The following IL10RA variants were observed in gnomAD, a reference collection of about 807,000 sequenced individuals.
IL10RA encodes the protein interleukin-10 receptor subunit alpha.
In IL10RA, 18 loss-of-function variants were observed where a neutral mutation model predicts 29.6. The observed-to-expected ratio is 0.61, with a 90% confidence interval of 0.42 to 0.90. The LOEUF (loss-of-function observed/expected upper bound fraction) is 0.90, where lower values mean the gene tolerates loss of function less well. Ranked by LOEUF, IL10RA falls within the 40% of genes least tolerant of loss-of-function variation. The probability of loss-of-function intolerance (pLI) is 0.00; values close to 1 mark genes in which losing one functional copy is unlikely to be tolerated. For synonymous variants in IL10RA, 292 were observed against 294.1 expected (o/e 0.99, Z 0.07); for missense variants, 634 against 716.6 (o/e 0.88, Z 1.32).
intron 3 of IL10RA, among the ~76,000 whole-genome samples, chr11:117,991,132 A>G (rs1469927349): frequency 6.6e-6 from 1 of 152,216 alleles, no homozygotes; most frequent in Non-Finnish European, 1.5e-5. Context: ...CAGGAGGCAG[A>G]GGTTGCAGTG....
At chr11:117,987,189 A>T (rs1349763061) in intron 1 of IL10RA, 1 of 294,982 alleles carries the variant, frequency 3.4e-6, no homozygotes, top group Non-Finnish European at 6.8e-6. Context: ...GCAGAGACAG[A>T]GAGCAAGGAC....
chr11:117,999,894 G>A lies in IL10RA; in HGVS notation c.*253G>A, dbSNP rs1379928416. 1.5e-6 allele frequency: 1 copy of A among 666,320 alleles called. No individual in the cohort carries two copies. The highest frequency in any genetic ancestry group is 1.5e-5 in the South Asian group (1 of 66,378). 41.3% of individuals were successfully genotyped at this position (666,320 alleles called of 1,614,324 possible). On this transcript the variant is annotated 3_prime_UTR_variant, in exon 7 of 7. Transcript: ENST00000227752. ...TGTTGACTGGGGCCCTGCAGACTCT[G>A]GCAGAGCTGAGAAGGGCAGGGACCT...
At chr11:117,993,709 A>AGCTG (rs1479432514) in intron 4 of IL10RA, among the ~76,000 whole-genome samples, 1 of 152,190 alleles carries the variant, frequency 6.6e-6, no homozygotes, top group Admixed American at 6.5e-5. Context: ...GTTATGGGAG[A>AGCTG]GCTGGCATCT....
At position 117,998,744 on chromosome 11, in the gene IL10RA, C is replaced by T; in HGVS notation, c.840C>T (p.Phe280=). 6.2e-7 allele frequency: 1 copy of T among 1,614,214 alleles called. No homozygotes were observed. Among genetic ancestry groups the T allele is most frequent in the Non-Finnish European group, 8.5e-7 (1 of 1,180,040 alleles). ...LLFKKPSPFI[F]ISQRPSPETQ... is the part of the protein sequence containing the mutation. The stretch of plus-strand genomic sequence containing the variant: ...TCAAGAAGCCCAGCCCCTTCATCTT[C>T]ATCAGCCAGCGTCCCTCCCCAGAGA... The change falls in exon 7 of 7, where the codon TTC becomes TTT. Residue 280 remains phenylalanine, a synonymous_variant. Coordinates refer to ENST00000227752, the MANE Select transcript of IL10RA (RefSeq NM_001558.4).
intron 2 of IL10RA, 58 bp downstream of exon 2, chr11:117,988,560 C>T: frequency 1.3e-6 from 2 of 1,599,612 alleles, no homozygotes; most frequent in South Asian, 1.1e-5. Context: ...TTGTCCTCTA[C>T]TCTCCTAGCA....
intron 1 of IL10RA, chr11:117,987,456 T>A (rs186735707): frequency 1.9e-5 from 3 of 157,124 alleles, no homozygotes; most frequent in Admixed American, 1.8e-4. Context: ...TAGAGAGATG[T>A]AGAGAAGTTA....
In IL10RA at chr11:117,986,401, G is replaced by A; in HGVS notation, c.-67G>A. ...GCGGGCGGCGGAGCTGTCAGTCCCAGCCCAAGGGTAGCTGGAGGCGCGCAG... is the reference window on the plus strand; with the variant it reads ...GCGGGCGGCGGAGCTGTCAGTCCCAACCCAAGGGTAGCTGGAGGCGCGCAG... On this transcript the variant is annotated 5_prime_UTR_variant, in exon 1 of 7. Transcript: ENST00000227752. 6.8e-7 allele frequency: 1 copy of A among 1,477,722 alleles called. No homozygotes were observed. 91.5% of individuals were successfully genotyped at this position (1,477,722 alleles called of 1,614,324 possible). A position where few individuals can be genotyped will look rare whatever the true frequency, so the allele number is the denominator to read the frequency against.
In IL10RA at chr11:117,988,513, G is replaced by A. The variant is rs747049543; in HGVS notation, c.188+11G>A. The stretch of plus-strand genomic sequence containing the variant: ...AGTGGCGCTCCTGAGGTGAGGAAAA[G>A]GGAAGAGGGAGGGGGAGGGAGGAGT... On this transcript the variant is annotated intron_variant, in intron 2 of 6. Transcript: ENST00000227752. The A allele has an allele frequency of 9.9e-6, 16 of 1,614,026 alleles. No individual in the cohort carries two copies. The highest frequency in any genetic ancestry group is 1.3e-5 in the Non-Finnish European group (15 of 1,179,902).
chr11:117,992,825 A>G (rs2058031968), intron 3 of IL10RA, among the ~76,000 whole-genome samples: 1 of 152,224 alleles, frequency 6.6e-6, no homozygotes, highest in Admixed American at 6.5e-5. Flanking sequence ...TTATAGTTTC[A>G]GGTGTTACAT....
At chr11:117,993,518 G>A in intron 4 of IL10RA, 108 bp downstream of exon 4, 2 of 986,116 alleles carry the variant, frequency 2.0e-6, no homozygotes, top group South Asian at 2.6e-5. Context: ...GGACTAAAGG[G>A]AGGGTCTGGG....
rs768177135 is a variant in IL10RA at position 117,986,484 on chromosome 11, T to C, written c.17T>C (p.Val6Ala). Reference sequence around the variant, plus strand: ...GCGCCCAGGATGCTGCCGTGCCTCGTAGTGCTGCTGGCGGCGCTCCTCAGC... The same window carrying C: ...GCGCCCAGGATGCTGCCGTGCCTCGCAGTGCTGCTGGCGGCGCTCCTCAGC... MLPCL[V>A]VLLAALLSLR... The change falls in exon 1 of 7, where the codon GTA (valine) becomes GCA (alanine). Residue 6 changes from valine to alanine, a missense_variant. Transcript: ENST00000227752. 49 of 1,556,050 alleles carry C rather than the reference T, an allele frequency of 3.1e-5. No individual in the cohort carries two copies. Among genetic ancestry groups the C allele is most frequent in the South Asian group, 5.9e-5 (5 of 84,364 alleles).
intron 1 of IL10RA, 52 bp from the exon 2 acceptor site, chr11:117,988,330 C>A: frequency 6.2e-7 from 1 of 1,611,972 alleles, no homozygotes; most frequent in South Asian, 1.1e-5. Flanking sequence ...AAATTGGGGT[C>A]ATCAATGCCT....
chr11:117,988,534 G>T, intron 2 of IL10RA, 32 bp downstream of exon 2: 1 of 1,611,998 alleles, frequency 6.2e-7, no homozygotes, highest in Non-Finnish European at 8.5e-7. Context: ...GGGGGAGGGA[G>T]GAGTGAATCC....
chr11:117,993,053 G>A, intron 3 of IL10RA, 188 bp from the exon 4 acceptor site: 1 of 603,964 alleles, frequency 1.7e-6, no homozygotes, highest in East Asian at 2.8e-5. Flanking sequence ...CTGATTTTAG[G>A]GTATATGTAT....
At position 117,993,266 on chromosome 11, in the gene IL10RA, C is replaced by T. The variant is rs2058035390; in HGVS notation, c.393C>T (p.Asn131=). Residue 131 remains asparagine (N), a synonymous_variant, in exon 4 of 7, where the codon AAC becomes AAT. Transcript: ENST00000227752. Reference sequence around the variant, plus strand: ...TGACTCTGACAGTTGGCAGTGTGAACCTAGAGATCCACAATGGCTTCATCC... The same window carrying T: ...TGACTCTGACAGTTGGCAGTGTGAATCTAGAGATCCACAATGGCTTCATCC... ...DEVTLTVGSV[N]LEIHNGFILG... 6.2e-7 allele frequency: 1 copy of T among 1,614,042 alleles called. No individual in the cohort carries two copies. The highest frequency in any genetic ancestry group is 8.5e-7 in the Non-Finnish European group (1 of 1,179,990).
chr11:117,999,573 C>T lies in IL10RA; in HGVS notation c.1669C>T (p.Leu557Phe). The T allele has an allele frequency of 6.2e-7, 1 of 1,614,188 alleles. No individual in the cohort carries two copies. Among genetic ancestry groups the T allele is most frequent in the African/African-American group, 1.3e-5 (1 of 75,066 alleles). The change falls in exon 7 of 7, where the codon CTC becomes TTC. Residue 557 changes from leucine to phenylalanine, a missense_variant. Leu to Phe is a conservative substitution (Grantham distance 22, BLOSUM62 0). Coordinates refer to ENST00000227752, the MANE Select transcript of IL10RA (RefSeq NM_001558.4). The part of the protein sequence containing the change: ...PLGCVAAPGG[L>F]LGSFNSDLVT... ...AGGCTGTGTGGCAGCCCCAGGTGGT[C>T]TCCTGGGCAGCTTTAACTCAGACCT...
chr11:117,999,743 C>A lies in IL10RA; in HGVS notation c.*102C>A, dbSNP rs936376531. 2 of 1,062,316 alleles carry A rather than the reference C, an allele frequency of 1.9e-6. No homozygotes were observed. Among genetic ancestry groups the A allele is most frequent in the Non-Finnish European group, 2.8e-6 (2 of 702,258 alleles). The allele number at this position is 1,062,316 out of a possible 1,614,324, so 65.8% of individuals were successfully genotyped here. A position where few individuals can be genotyped will look rare whatever the true frequency, so the allele number is the denominator to read the frequency against. ...GAAGTTAGGCACGAGGCAGTCTGGG[C>A]ACTTTTCTGCAAGTCCACTGGGGCT... On this transcript the variant is annotated 3_prime_UTR_variant, in exon 7 of 7. Transcript: ENST00000227752.
chr11:118,001,148 G>A lies in IL10RA; in HGVS notation c.*1507G>A. On this transcript the variant is annotated 3_prime_UTR_variant, in exon 7 of 7. Transcript: ENST00000227752. ...AACTCCCTCTGGAGGCAGGCTTGAG[G>A]GAGGATTCCTCAGGGTTCCCTTGAA... 2.2e-6 allele frequency: 1 copy of A among 454,242 alleles called. No homozygotes were observed. The highest frequency in any genetic ancestry group is 4.4e-6 in the Non-Finnish European group (1 of 226,782). The allele number at this position is 454,242 out of a possible 1,614,324, so 28.1% of individuals were successfully genotyped here. A position where few individuals can be genotyped will look rare whatever the true frequency, so the allele number is the denominator to read the frequency against.
intron 6 of IL10RA, among the ~76,000 whole-genome samples, chr11:117,996,115 C>T (rs973376535): frequency 8.5e-5 from 13 of 152,172 alleles, no homozygotes; most frequent in Non-Finnish European, 1.5e-4. Flanking sequence ...GCCACACAGC[C>T]AGGAAGAGTC....
Sources: gnomAD v4.1 joint callset for allele counts (sites outside exome capture counted in the v4.1 genomes callset) on GRCh38, gnomAD v4.1.1 for gene constraint, MANE v1.5 for transcripts, NCBI Gene and HGNC (gene_info 2026-07-23, HGNC 2026-07-21) for gene names.